ELAPOR2: variants seen among roughly 807,000 people sequenced by gnomAD.
The protein encoded by ELAPOR2 is endosome-lysosome associated apoptosis and autophagy regulator family member 2, also known as endosome/lysosome-associated apoptosis and autophagy regulator family member 2.
ELAPOR2 carries 89 observed loss-of-function variants against 120.7 expected under a neutral mutation model. The ratio of observed to expected loss-of-function variants is 0.74; its 90% confidence interval spans 0.62 to 0.88. ELAPOR2 has a LOEUF of 0.88. Ranked by LOEUF, ELAPOR2 falls within the 40% of genes least tolerant of loss-of-function variation. ELAPOR2 has a pLI of 0.00. For synonymous variants in ELAPOR2, 444 were observed against 444.9 expected (o/e 1.00, Z 0.03); for missense variants, 1,134 against 1,251.6 (o/e 0.91, Z 1.42).
intron 1 of ELAPOR2, among the ~76,000 whole-genome samples, chr7:87,000,439 G>T (rs547236469): frequency 6.6e-6 from 1 of 152,224 alleles, no homozygotes; most frequent in East Asian, 1.9e-4. Context: ...GATGCCTGAA[G>T]TTGTCTAGAA....
At chr7:86,934,365 G>T (rs1790471074) in intron 8 of ELAPOR2, among the ~76,000 whole-genome samples, 1 of 151,992 alleles carries the variant, frequency 6.6e-6, no homozygotes, top group Non-Finnish European at 1.5e-5. Flanking sequence ...GTATACATTA[G>T]AAGATTTAAA....
chr7:86,907,609 T>C (rs1210186228), intron 18 of ELAPOR2, 61 bp downstream of exon 18: 11 of 1,003,190 alleles, frequency 1.1e-5, no homozygotes, highest in Non-Finnish European at 1.6e-5. Flanking sequence ...TTTAAAATAG[T>C]AACATTCTGG....
chr7:86,913,957 G>A (rs186367107), intron 13 of ELAPOR2, among the ~76,000 whole-genome samples: 9 of 152,262 alleles, frequency 5.9e-5, no homozygotes, highest in South Asian at 2.1e-4. Flanking sequence ...GCATGTTCAC[G>A]CCCCACAGGA....
intron 1 of ELAPOR2, among the ~76,000 whole-genome samples, chr7:87,012,786 G>A (rs1024810357): frequency 1.6e-4 from 25 of 152,150 alleles, no homozygotes; most frequent in African/African-American, 5.8e-4. Context: ...TCTTCCATGG[G>A]TCCTTTGGCA....
At chr7:86,887,656 A>C (rs137878508) in intron 21 of ELAPOR2, among the ~76,000 whole-genome samples, 1 of 152,192 alleles carries the variant, frequency 6.6e-6, no homozygotes, top group East Asian at 1.9e-4. Context: ...TATTCAGCGG[A>C]CCTTCTACAT....
chr7:86,890,680 G>GC (rs1167128421), intron 21 of ELAPOR2, among the ~76,000 whole-genome samples: 1 of 151,948 alleles, frequency 6.6e-6, no homozygotes, highest in Non-Finnish European at 1.5e-5. Flanking sequence ...TTGTTAGCTT[G>GC]CAAGTAGGGT....
chr7:86,976,232 T>C (rs1792280102), intron 1 of ELAPOR2, among the ~76,000 whole-genome samples: 1 of 152,186 alleles, frequency 6.6e-6, no homozygotes, highest in African/African-American at 2.4e-5. Flanking sequence ...TTATTCTTTT[T>C]CTTCCTTCCT....
chr7:86,943,138 C>T (rs563549782), intron 4 of ELAPOR2, among the ~76,000 whole-genome samples: 2 of 151,868 alleles, frequency 1.3e-5, no homozygotes, highest in Admixed American at 1.3e-4. Flanking sequence ...AGATGTGGAC[C>T]CTGAATATAC....
chr7:87,018,931 T>A lies in ELAPOR2; in HGVS notation c.189+40394A>T, dbSNP rs147321648. ...ATGTTCAAACAAGACAATATTAGAA[T>A]GTTTTGCTCATTATCAAACATATAC... On this transcript the variant is annotated intron_variant, in intron 1 of 21. Transcript: ENST00000450689. 1.3e-3 allele frequency among the ~76,000 whole-genome samples: 196 copies of A among 152,274 alleles called. 1 individual carries two copies. The highest frequency in any genetic ancestry group is 2.1e-3 in the Non-Finnish European group (143 of 68,022).
intron 1 of ELAPOR2, among the ~76,000 whole-genome samples, chr7:87,025,036 T>C (rs576636724): frequency 6.6e-6 from 1 of 150,986 alleles, no homozygotes; most frequent in Non-Finnish European, 1.5e-5. Context: ...TATAAGATTA[T>C]GATTCCTCCA....
At chr7:86,947,957 C>T in intron 2 of ELAPOR2, 35 bp from the exon 3 acceptor site, 3 of 1,427,472 alleles carry the variant, frequency 2.1e-6, no homozygotes, top group Non-Finnish European at 2.9e-6. Context: ...CCATTACTTA[C>T]CCTCCCATCA....
intron 21 of ELAPOR2, among the ~76,000 whole-genome samples, chr7:86,886,866 G>C (rs1207840183): frequency 6.6e-6 from 1 of 152,082 alleles, no homozygotes; most frequent in Non-Finnish European, 1.5e-5. Flanking sequence ...CTGGTTCACT[G>C]ATGATTTGGT....
intron 19 of ELAPOR2, among the ~76,000 whole-genome samples, chr7:86,894,132 C>G (rs1339971969): frequency 6.6e-6 from 1 of 152,066 alleles, no homozygotes; most frequent in Non-Finnish European, 1.5e-5. Flanking sequence ...ACATGAGACT[C>G]TTACTCACTT....
intron 18 of ELAPOR2, among the ~76,000 whole-genome samples, chr7:86,903,125 CTTGT>C (rs1788796051): frequency 2.6e-5 from 4 of 152,080 alleles, no homozygotes; most frequent in African/African-American, 9.7e-5. Flanking sequence ...TTCAGATTAT[CTTGT>C]TTAATGAAAT....
At chr7:86,959,989 A>T (rs1321401226) in intron 2 of ELAPOR2, among the ~76,000 whole-genome samples, 1 of 152,086 alleles carries the variant, frequency 6.6e-6, no homozygotes, top group East Asian at 1.9e-4. Flanking sequence ...GTGTGGTTTA[A>T]TTTCCATGTA....
intron 1 of ELAPOR2, among the ~76,000 whole-genome samples, chr7:86,993,234 C>CAAAAA (rs1159917841): frequency 3.5e-5 from 2 of 57,122 alleles, no homozygotes; most frequent in African/African-American, 1.2e-4. Context: ...GACTCCATCT[C>CAAAAA]AAAAAAAAAA....
chr7:86,923,476 T>C (rs1204558936), intron 10 of ELAPOR2, among the ~76,000 whole-genome samples: 1 of 152,042 alleles, frequency 6.6e-6, no homozygotes, highest in Non-Finnish European at 1.5e-5. Context: ...CAATGTTACA[T>C]AGCTATATCA....
intron 2 of ELAPOR2, 117 bp from the exon 3 acceptor site, chr7:86,948,039 C>G: frequency 1.4e-6 from 1 of 699,834 alleles, no homozygotes; most frequent in Non-Finnish European, 2.4e-6. Flanking sequence ...CAAACGAAAG[C>G]CTTTCAAATT....
intron 1 of ELAPOR2, among the ~76,000 whole-genome samples, chr7:87,034,558 T>A (rs1794522817): frequency 6.6e-6 from 1 of 152,104 alleles, no homozygotes; most frequent in Non-Finnish European, 1.5e-5. Flanking sequence ...GGAAGCACTT[T>A]CCTAGCATAA....
Sources: gnomAD v4.1 joint callset for allele counts (sites outside exome capture counted in the v4.1 genomes callset) on GRCh38, gnomAD v4.1.1 for gene constraint, MANE v1.5 for transcripts, NCBI Gene and HGNC (gene_info 2026-07-23, HGNC 2026-07-21) for gene names.